Variants in PHKB observed in about 807,000 individuals in gnomAD.
PHKB encodes phosphorylase kinase regulatory subunit beta, also known as phosphorylase b kinase regulatory subunit beta.
A neutral mutation model predicts 152.1 loss-of-function variants in PHKB; 122 were observed. The ratio of observed to expected loss-of-function variants is 0.80; its 90% CI spans 0.69 to 0.93. The LOEUF is 0.93. PHKB is among the 40% of genes least tolerant of loss of function. The probability of loss-of-function intolerance (pLI) is 0.00; values close to 1 mark genes in which losing one functional copy is unlikely to be tolerated. For synonymous variants in PHKB, 436 were observed against 464.9 expected, an observed-to-expected ratio of 0.94 and a Z score of 0.80; for missense variants, 1,304 against 1,328.4, an observed-to-expected ratio of 0.98 and a Z score of 0.29.
chr16:47,547,109 C>T (rs1209027045), intron 6 of PHKB, among the ~76,000 whole-genome samples: 1 of 152,216 alleles, frequency 6.6e-6, no homozygotes, highest in Non-Finnish European at 1.5e-5. Flanking sequence ...CCGTGGGCTG[C>T]ATCCACTGTC....
intron 7 of PHKB, chr16:47,565,895 AG>A (rs1971556523): frequency 2.6e-6 from 3 of 1,148,254 alleles, no homozygotes; most frequent in Non-Finnish European, 3.8e-6. Flanking sequence ...GAGTACTCTG[AG>A]GCTTTAGATT....
At chr16:47,628,090 G>A (rs1278059063) in intron 14 of PHKB, among the ~76,000 whole-genome samples, 1 of 152,198 alleles carries the variant, frequency 6.6e-6, no homozygotes, top group Non-Finnish European at 1.5e-5. Flanking sequence ...CAAATACACT[G>A]CCCTTGAGCA....
At chr16:47,651,053 A>G (rs766329216) in intron 20 of PHKB, 132 bp downstream of exon 20, 6 of 723,482 alleles carry the variant, frequency 8.3e-6, no homozygotes, top group Non-Finnish European at 1.5e-5. Context: ...TCCTATTCCT[A>G]TTGTCACTTT....
intron 7 of PHKB, among the ~76,000 whole-genome samples, chr16:47,572,836 A>G (rs1971685521): frequency 6.6e-6 from 1 of 152,188 alleles, no homozygotes; most frequent in Non-Finnish European, 1.5e-5. Context: ...AGCTGAGGTC[A>G]TGCAAAAGTT....
chr16:47,632,745 G>T (rs1972848749), intron 14 of PHKB, among the ~76,000 whole-genome samples: 2 of 152,102 alleles, frequency 1.3e-5, no homozygotes, highest in Admixed American at 1.3e-4. Context: ...CACTATTAGG[G>T]CACATTCACA....
chr16:47,490,725 A>G (rs1042882083), intron 1 of PHKB, among the ~76,000 whole-genome samples: 1 of 152,252 alleles, frequency 6.6e-6, no homozygotes, highest in Non-Finnish European at 1.5e-5. Flanking sequence ...GAGAAATTTT[A>G]ATGAAGCAAA....
chr16:47,653,130 G>A (rs749980096), intron 20 of PHKB, among the ~76,000 whole-genome samples: 3 of 152,048 alleles, frequency 2.0e-5, no homozygotes, highest in Non-Finnish European at 2.9e-5. Context: ...TTTTCTCTAA[G>A]GCTTTTCAGT....
At chr16:47,643,910 G>A (rs1269167719) in intron 16 of PHKB, among the ~76,000 whole-genome samples, 3 of 152,002 alleles carry the variant, frequency 2.0e-5, no homozygotes, top group Non-Finnish European at 2.9e-5. Flanking sequence ...ATGTATTTCC[G>A]GGTAGTTTCT....
intron 16 of PHKB, among the ~76,000 whole-genome samples, chr16:47,644,786 C>T (rs1327724882): frequency 1.3e-5 from 2 of 152,126 alleles, no homozygotes; most frequent in Admixed American, 6.5e-5. Flanking sequence ...GATACCAGTG[C>T]CAAAAAGCCA....
At position 47,665,733 on chromosome 16, in the gene PHKB, T is replaced by C; in HGVS notation, c.2427+758T>C. The C allele has an allele frequency of 1.3e-5, 8 of 623,304 alleles. No homozygotes were observed. The South Asian group carries it at 1.5e-4, about 11-fold the overall frequency. The allele number at this position is 623,304 out of a possible 1,614,324, so 38.6% of individuals were successfully genotyped here. A position where few individuals can be genotyped will look rare whatever the true frequency, so the allele number is the denominator to read the frequency against. On this transcript the variant is annotated intron_variant, in intron 25 of 30. Transcript: ENST00000323584. ...TTTTGTCACAGCTTGGTGGCAGGGA[T>C]GAGGTGGAGGGATCCCTCCCTAATT...
At chr16:47,693,137 T>C (rs1974090939) in intron 27 of PHKB, among the ~76,000 whole-genome samples, 1 of 152,236 alleles carries the variant, frequency 6.6e-6, no homozygotes, top group South Asian at 2.1e-4. Flanking sequence ...CATAGCTTAC[T>C]TACAGGATAA....
At chr16:47,546,721 C>G (rs1971173343) in intron 6 of PHKB, among the ~76,000 whole-genome samples, 1 of 152,148 alleles carries the variant, frequency 6.6e-6, no homozygotes, top group African/African-American at 2.4e-5. Flanking sequence ...CAAGTGGAGT[C>G]TACAGAAGCA....
chr16:47,633,348 GAATA>G (rs1381963313), intron 14 of PHKB, among the ~76,000 whole-genome samples: 2 of 152,088 alleles, frequency 1.3e-5, no homozygotes, highest in East Asian at 3.9e-4. Context: ...ACCGTCAAAT[GAATA>G]ACAATTGCTT....
At chr16:47,463,178 G>A (rs567112254) in intron 1 of PHKB, 5 of 152,552 alleles carry the variant, frequency 3.3e-5, no homozygotes, top group Admixed American at 1.3e-4. Context: ...GATTTTCTTC[G>A]TCAGTCTTTG....
At chr16:47,491,566 A>G (rs529073580) in intron 1 of PHKB, among the ~76,000 whole-genome samples, 2 of 152,296 alleles carry the variant, frequency 1.3e-5, no homozygotes, top group South Asian at 2.1e-4. Flanking sequence ...CTTTAGGCCA[A>G]TTACTTAGAG....
chr16:47,499,759 A>C lies in PHKB; in HGVS notation c.170A>C (p.Lys57Thr). The C allele has an allele frequency of 3.1e-6, 5 of 1,614,174 alleles. No individual in the cohort carries two copies. The highest frequency in any genetic ancestry group is 4.2e-6 in the Non-Finnish European group (5 of 1,179,986). The stretch of plus-strand genomic sequence containing the variant: ...TTTGTCTTGTCCTCAATTGCAGTCA[A>C]GTCAACATTGCTGCTGTATCAAAGT... ...DKLDHYYRIVKSTLLLYQSPT... is the reference protein window; with the variant it reads ...DKLDHYYRIVTSTLLLYQSPT... Residue 57 changes from lysine to threonine, a missense_variant, in exon 3 of 31, where the codon AAG (lysine) becomes ACG (threonine). Coordinates refer to ENST00000323584, the MANE Select transcript of PHKB (RefSeq NM_000293.3).
rs536975929 is a variant in PHKB, at chr16:47,538,477, A to G, written c.595-8956A>G. ...ATAGGTGCATGTTTTGGAGAAATCT[A>G]GAAATAACTCACACTCTCTTCTATT... On this transcript the variant is annotated intron_variant, in intron 6 of 30. Coordinates refer to ENST00000323584, the MANE Select transcript of PHKB (RefSeq NM_000293.3). 5.9e-5 allele frequency among the ~76,000 whole-genome samples: 9 copies of G among 152,366 alleles called. No homozygotes were observed. The East Asian group carries it at 1.7e-3, about 29-fold the overall frequency.
At chr16:47,678,539 CATGTGTTTTTTG>C (rs1973780960) in intron 26 of PHKB, among the ~76,000 whole-genome samples, 2 of 152,132 alleles carry the variant, frequency 1.3e-5, no homozygotes, top group South Asian at 4.2e-4. Flanking sequence ...AGCATTTTTT[CATGTGTTTTTTG>C]GCTGCATAAA....
At chr16:47,511,550 G>A (rs1970509929) in intron 4 of PHKB, 115 bp from the exon 5 acceptor site, 2 of 760,034 alleles carry the variant, frequency 2.6e-6, no homozygotes, top group South Asian at 1.5e-5. Flanking sequence ...TGCTTTGTTC[G>A]GTCCTCTGCC....
Sources: allele counts gnomAD v4.1 joint callset (sites outside exome capture counted in the v4.1 genomes callset), GRCh38; gene constraint gnomAD v4.1.1; transcripts MANE v1.5; gene names NCBI Gene and HGNC (gene_info 2026-07-23, HGNC 2026-07-21).